The following ANO6 variants were observed in gnomAD, a reference collection of about 807,000 sequenced individuals.
ANO6 encodes anoctamin 6.
In ANO6, 106 loss-of-function variants were observed where a neutral mutation model predicts 117.5. That is an observed-to-expected ratio of 0.90 (90% CI 0.77 to 1.06). The LOEUF (loss-of-function observed/expected upper bound fraction) is 1.06. ANO6 is among the 50% of genes least tolerant of loss of function. The pLI, the probability that ANO6 is intolerant of heterozygous loss-of-function variation, is 0.00. For synonymous variants in ANO6, 367 were observed against 385.1 expected, an observed-to-expected ratio of 0.95 and a Z score of 0.55; for missense variants, 955 against 1,121.1, an observed-to-expected ratio of 0.85 and a Z score of 2.12.
At chr12:45,363,581 A>G (rs1030886547) in intron 8 of ANO6, among the ~76,000 whole-genome samples, 3 of 151,996 alleles carry the variant, frequency 2.0e-5, no homozygotes, top group African/African-American at 7.3e-5. Context: ...AAAAAAAGAA[A>G]AAAGGGTGTT....
chr12:45,382,512 A>G (rs1942193407), intron 10 of ANO6, among the ~76,000 whole-genome samples: 1 of 152,206 alleles, frequency 6.6e-6, no homozygotes, highest in South Asian at 2.1e-4. Context: ...TCCTCCCCAC[A>G]GTCAAGGTGC....
rs1943349533 is a variant in ANO6, at chr12:45,421,095, GA to G, written c.2243del (p.Asp748AlafsTer2). Reference sequence around the variant, plus strand: ...GGCCATGATCATAGCTTTCACGTCGGACATGATCCCCCGCCTAGTGTACTAC... The same window carrying G: ...GGCCATGATCATAGCTTTCACGTCGGCATGATCCCCCGCCTAGTGTACTAC... ...TNAMIIAFTS[D>X]MIPRLVYYWS... On this transcript the variant is annotated frameshift_variant, in exon 18 of 20. Coordinates refer to ENST00000320560, the MANE Select transcript of ANO6 (RefSeq NM_001025356.3). LOFTEE classifies it high-confidence loss of function. The G allele has an allele frequency of 6.2e-7, 1 of 1,614,072 alleles. No individual in the cohort carries two copies. The highest frequency in any genetic ancestry group is 8.5e-7 in the Non-Finnish European group (1 of 1,180,036).
At chr12:45,357,200 C>T in intron 7 of ANO6, 90 bp from the exon 8 acceptor site, 1 of 1,460,122 alleles carries the variant, frequency 6.8e-7, no homozygotes, top group Non-Finnish European at 9.5e-7. Flanking sequence ...CTTAAAGCCT[C>T]TCCTTTATTT....
chr12:45,397,522 A>G (rs1312327326), intron 12 of ANO6, among the ~76,000 whole-genome samples: 2 of 152,258 alleles, frequency 1.3e-5, no homozygotes, highest in Non-Finnish European at 2.9e-5. Flanking sequence ...ACTACTATGA[A>G]GAAACATGCA....
chr12:45,245,210 A>AAT (rs1223601082), intron 1 of ANO6, among the ~76,000 whole-genome samples: 1 of 152,202 alleles, frequency 6.6e-6, no homozygotes, highest in Non-Finnish European at 1.5e-5. Context: ...ACTGGCTGGT[A>AAT]ATGGAGTTCT....
chr12:45,414,857 C>T (rs1259754732), intron 16 of ANO6, among the ~76,000 whole-genome samples: 1 of 152,150 alleles, frequency 6.6e-6, no homozygotes, highest in Non-Finnish European at 1.5e-5. Context: ...TCCGCCTCCT[C>T]ATCTAAAGCA....
intron 19 of ANO6, among the ~76,000 whole-genome samples, chr12:45,427,156 G>A (rs1943523127): frequency 6.6e-6 from 1 of 151,944 alleles, no homozygotes; most frequent in African/African-American, 2.4e-5. Flanking sequence ...CTTTATCAGT[G>A]AGCACTTCAG....
At chr12:45,315,468 A>G (rs1160749885) in intron 2 of ANO6, among the ~76,000 whole-genome samples, 2 of 151,926 alleles carry the variant, frequency 1.3e-5, no homozygotes, top group African/African-American at 2.4e-5. Context: ...ATAGTCTTAC[A>G]TTGACCATTT....
chr12:45,433,868 C>G (rs1292452188), downstream of ANO6, among the ~76,000 whole-genome samples: 1 of 152,100 alleles, frequency 6.6e-6, no homozygotes, highest in East Asian at 1.9e-4. Flanking sequence ...TGGCTGTGAC[C>G]ATTTCATTTT....
chr12:45,387,860 A>T (rs1464046840), intron 10 of ANO6, among the ~76,000 whole-genome samples: 2 of 151,936 alleles, frequency 1.3e-5, no homozygotes, highest in African/African-American at 2.4e-5. Flanking sequence ...TTCTCATGAG[A>T]TCTGATGGTT....
chr12:45,406,461 A>G (rs1262823858), intron 15 of ANO6, among the ~76,000 whole-genome samples: 2 of 152,242 alleles, frequency 1.3e-5, no homozygotes, highest in Admixed American at 6.5e-5. Context: ...AATAGAATTA[A>G]GGATCCAAAA....
At chr12:45,347,132 G>T in intron 4 of ANO6, 45 bp downstream of exon 4, 2 of 1,591,856 alleles carry the variant, frequency 1.3e-6, no homozygotes, top group Non-Finnish European at 1.7e-6. Context: ...CACTGTTCTC[G>T]GGCAGCTTCG....
At chr12:45,235,818 A>G (rs1001067868) in intron 1 of ANO6, among the ~76,000 whole-genome samples, 1 of 152,112 alleles carries the variant, frequency 6.6e-6, no homozygotes, top group Non-Finnish European at 1.5e-5. Context: ...GCATTCCTGA[A>G]CTAGCATGCC....
chr12:45,371,547 C>G (rs1432858759), intron 9 of ANO6, among the ~76,000 whole-genome samples: 2 of 152,170 alleles, frequency 1.3e-5, no homozygotes, highest in East Asian at 1.9e-4. Context: ...AAGTGGGTCC[C>G]TGACCCCTGA....
chr12:45,299,423 GT>G (rs1939407129), intron 1 of ANO6, among the ~76,000 whole-genome samples: 1 of 152,144 alleles, frequency 6.6e-6, no homozygotes, highest in African/African-American at 2.4e-5. Flanking sequence ...CACACATAGG[GT>G]GTCCTCTAAT....
Position 45,216,358 on chromosome 12 carries a change from G to T in ANO6, c.37G>T (p.Glu13Ter). ...GAGCAGGAATGTTTTGCTACAAATG[G>T]AGGAGGAGGAGGACGACGACGATGG... Reference protein sequence around the residue: ...KMSRNVLLQMEEEEDDDDGDI... With the variant: ...KMSRNVLLQM The change falls in exon 1 of 20, where the codon GAG becomes TAG. Residue 13 changes from glutamate to a stop codon, truncating the protein, a stop_gained. Transcript: ENST00000320560. LOFTEE classifies it high-confidence loss of function. 1 of 1,607,838 alleles carries T rather than the reference G, an allele frequency of 6.2e-7. No homozygotes were observed. The highest frequency in any genetic ancestry group is 8.5e-7 in the Non-Finnish European group (1 of 1,176,598).
intron 3 of ANO6, among the ~76,000 whole-genome samples, chr12:45,339,669 A>T (rs894820925): frequency 1.3e-5 from 2 of 152,112 alleles, no homozygotes; most frequent in African/African-American, 4.8e-5. Context: ...TATCACCAAC[A>T]CGTGAATTTA....
Position 45,432,275 on chromosome 12 carries a change from T to A in ANO6, c.*2964T>A, listed in dbSNP as rs1276118627. ...GCATTTTAATATTCTTTTATAATTA[T>A]TAATGTTAATTTCTGTGCATTTTAA... On this transcript the variant is annotated 3_prime_UTR_variant, in exon 20 of 20. Transcript: ENST00000320560. 1.2e-5 allele frequency: 11 copies of A among 937,058 alleles called. No homozygotes were observed. The highest frequency in any genetic ancestry group is 1.3e-5 in the Non-Finnish European group (10 of 787,200). 58.0% of individuals were successfully genotyped at this position (937,058 alleles called of 1,614,324 possible).
intron 1 of ANO6, among the ~76,000 whole-genome samples, chr12:45,237,704 T>G (rs532729558): frequency 6.6e-6 from 1 of 152,228 alleles, no homozygotes; most frequent in Non-Finnish European, 1.5e-5. Context: ...CTTGGCAATG[T>G]GGGCCTTTTT....
Sources: allele counts gnomAD v4.1 joint callset (sites outside exome capture counted in the v4.1 genomes callset), GRCh38; gene constraint gnomAD v4.1.1; transcripts MANE v1.5; gene names NCBI Gene and HGNC (gene_info 2026-07-23, HGNC 2026-07-21).